The following IAH1 variants were observed in gnomAD, a reference collection of about 807,000 sequenced individuals.
IAH1 encodes the protein isoamyl acetate-hydrolyzing esterase 1 homolog.
In IAH1, 24 loss-of-function variants were observed where a neutral mutation model predicts 26.7. That is an observed-to-expected ratio of 0.90 (90% CI 0.65 to 1.26). The LOEUF (loss-of-function observed/expected upper bound fraction) is 1.26. Ranked by LOEUF, IAH1 falls within the 50% of genes most tolerant of loss-of-function variation. IAH1 has a pLI of 0.00. For missense variants in IAH1, 300 were observed against 299.9 expected (o/e 1.00, Z 0.00); for synonymous variants, 140 against 118.5 (o/e 1.18, Z -1.18).
chr2:9,497,657 A>C (rs1233919407), downstream of IAH1, among the ~76,000 whole-genome samples: 1 of 152,330 alleles, frequency 6.6e-6, no homozygotes, highest in African/African-American at 2.4e-5. Flanking sequence ...TGCTTTGGCT[A>C]TGACAACCTC....
the IAH1 span, chr2:9,505,151 G>A: frequency 2.1e-4 from 331 of 1,613,940 alleles, 3 homozygotes; most frequent in South Asian, 3.5e-3. Context: ...AAATCCCTGT[G>A]GAGAGACTCC....
At chr2:9,492,998 T>G, downstream of IAH1, 2 of 1,601,516 alleles carry the variant, frequency 1.2e-6, no homozygotes, top group Non-Finnish European at 1.7e-6. Flanking sequence ...TGTGAACAAT[T>G]CCAAACAGTT....
downstream of IAH1, among the ~76,000 whole-genome samples, chr2:9,490,782 C>T (rs1044179948): frequency 6.6e-6 from 1 of 152,134 alleles, no homozygotes; most frequent in Non-Finnish European, 1.5e-5. Context: ...TTTGAAGACC[C>T]AAAAGAGGAT....
chr2:9,511,708 C>G, the IAH1 span, among the ~76,000 whole-genome samples: 1 of 152,098 alleles, frequency 6.6e-6, no homozygotes, highest in Non-Finnish European at 1.5e-5. Flanking sequence ...CAGTGGCTCA[C>G]GCCTGGAATT....
At chr2:9,487,831 TGTGCGCGCGCGC>T (rs1469406593) in intron 5 of IAH1, among the ~76,000 whole-genome samples, 94 of 80,228 alleles carry the variant, frequency 1.2e-3, no homozygotes, top group Middle Eastern at 7.7e-3. Flanking sequence ...TGTGTGTGTG[TGTGCGCGCGCGC>T]GCGCGCGCTG....
chr2:9,499,695 C>G (rs1297269013), downstream of IAH1, among the ~76,000 whole-genome samples: 1 of 152,126 alleles, frequency 6.6e-6, no homozygotes, highest in East Asian at 1.9e-4. Flanking sequence ...AGCCACTGTG[C>G]CGGGCCATCA....
downstream of IAH1, chr2:9,490,262 T>G (rs1572868052): frequency 6.2e-7 from 1 of 1,614,086 alleles, no homozygotes; most frequent in Non-Finnish European, 8.5e-7. Context: ...GACCGGATGG[T>G]CCGTGAGATC....
chr2:9,511,843 C>T, the IAH1 span, among the ~76,000 whole-genome samples: 9 of 151,804 alleles, frequency 5.9e-5, no homozygotes, highest in East Asian at 1.9e-4. Flanking sequence ...TTGTGGTGGG[C>T]GCCTGTAATC....
In IAH1 at chr2:9,488,815, G is replaced by A. The variant is rs1661815815; in HGVS notation, c.*486G>A. 6.6e-6 allele frequency: 1 copy of A among 152,242 alleles called. No individual in the cohort carries two copies. The highest frequency in any genetic ancestry group is 6.5e-5 in the Admixed American group (1 of 15,278). The allele number at this position is 152,242 out of a possible 1,614,324, so 9.4% of individuals were successfully genotyped here. On this transcript the variant is annotated 3_prime_UTR_variant, in exon 6 of 6. Transcript: ENST00000497473. Reference sequence around the variant, plus strand: ...CAAATGTCCTTGGAAATGGGGGGTAGGAGGAGATATGATTAGTCACAGGTT... The same window carrying A: ...CAAATGTCCTTGGAAATGGGGGGTAAGAGGAGATATGATTAGTCACAGGTT...
intron 4 of IAH1, among the ~76,000 whole-genome samples, chr2:9,483,318 C>T (rs1661291576): frequency 6.6e-6 from 1 of 152,126 alleles, no homozygotes; most frequent in African/African-American, 2.4e-5. Context: ...ACTCATAGCT[C>T]ACTGCAGCCT....
At chr2:9,486,428 G>A (rs1661481923) in intron 5 of IAH1, 1 of 152,194 alleles carries the variant, frequency 6.6e-6, no homozygotes, top group Non-Finnish European at 1.5e-5. Context: ...AAACTGAGAG[G>A]GTCGTCCTTA....
chr2:9,487,277 G>T (rs1661562561), intron 5 of IAH1, among the ~76,000 whole-genome samples: 1 of 152,034 alleles, frequency 6.6e-6, no homozygotes, highest in Non-Finnish European at 1.5e-5. Flanking sequence ...ATGTACTCTT[G>T]AGTTCAGGGC....
chr2:9,483,584 CTT>C (rs1208985805), intron 4 of IAH1, among the ~76,000 whole-genome samples: 1 of 152,132 alleles, frequency 6.6e-6, no homozygotes, highest in African/African-American at 2.4e-5. Context: ...TATCCTCATG[CTT>C]TCTCTTTAAT....
At chr2:9,482,247 C>T (rs1225626302) in intron 4 of IAH1, among the ~76,000 whole-genome samples, 7 of 152,014 alleles carry the variant, frequency 4.6e-5, no homozygotes, top group East Asian at 3.9e-4. Context: ...AGGCTGGTCT[C>T]GAACTCCTGA....
At chr2:9,504,427 G>A in the IAH1 span, among the ~76,000 whole-genome samples, 4 of 151,682 alleles carry the variant, frequency 2.6e-5, no homozygotes, top group Non-Finnish European at 5.9e-5. Flanking sequence ...CCTGGCAACA[G>A]AGCGAGACGC....
At chr2:9,493,008 T>G (rs4622692), downstream of IAH1, 898,540 of 1,583,820 alleles carry the variant, frequency 0.57, 265,421 homozygotes, top group African/African-American at 0.71. Context: ...TCCAAACAGT[T>G]AATGTCTTGA....
chr2:9,476,132 C>A, intron 2 of IAH1, 93 bp downstream of exon 2: 1 of 1,122,878 alleles, frequency 8.9e-7, no homozygotes, highest in Non-Finnish European at 1.3e-6. Flanking sequence ...ACAGAACATT[C>A]CTCCTTTATT....
At chr2:9,490,254 C>A (rs780850654), downstream of IAH1, 3 of 1,613,012 alleles carry the variant, frequency 1.9e-6, no homozygotes, top group South Asian at 1.1e-5. Context: ...CTTCTGGTGA[C>A]CGGATGGTCC....
the IAH1 span, among the ~76,000 whole-genome samples, chr2:9,511,828 A>G: frequency 6.6e-6 from 1 of 151,650 alleles, no homozygotes; most frequent in Non-Finnish European, 1.5e-5. Flanking sequence ...AAACCTAGCC[A>G]GGCATTGTGG....
Sources: allele counts gnomAD v4.1 joint callset (sites outside exome capture counted in the v4.1 genomes callset), GRCh38; gene constraint gnomAD v4.1.1; transcripts MANE v1.5; gene names NCBI Gene and HGNC (gene_info 2026-07-23, HGNC 2026-07-21).